The following ARHGAP42 variants were observed in gnomAD, a reference collection of about 807,000 sequenced individuals.
ARHGAP42 encodes Rho GTPase activating protein 42.
A neutral mutation model predicts 125.0 loss-of-function variants in ARHGAP42; 63 were observed. That is an observed-to-expected ratio of 0.50 (90% confidence interval 0.41 to 0.62). ARHGAP42 has a LOEUF of 0.62. Ranked by LOEUF, ARHGAP42 falls within the 20% of genes least tolerant of loss-of-function variation. The probability of loss-of-function intolerance (pLI) is 0.00; values close to 1 mark genes in which losing one functional copy is unlikely to be tolerated. For missense variants in ARHGAP42, 766 were observed against 1,024.2 expected, an observed-to-expected ratio of 0.75 and a Z score of 3.44; for synonymous variants, 339 against 351.0, an observed-to-expected ratio of 0.97 and a Z score of 0.38.
chr11:100,852,256 A>C (rs633021), intron 3 of ARHGAP42, among the ~76,000 whole-genome samples: 23,047 of 152,118 alleles, frequency 0.15, 2,453 homozygotes, highest in African/African-American at 0.29. Flanking sequence ...GCAATCTGCT[A>C]TTATCTAAAT....
intron 4 of ARHGAP42, among the ~76,000 whole-genome samples, chr11:100,895,358 T>A (rs986672889): frequency 8.5e-5 from 13 of 152,142 alleles, no homozygotes; most frequent in Non-Finnish European, 1.6e-4. Flanking sequence ...AAAATCATTG[T>A]CTCTGTCTGT....
intron 3 of ARHGAP42, among the ~76,000 whole-genome samples, chr11:100,828,848 C>T (rs1864594537): frequency 6.6e-6 from 1 of 151,952 alleles, no homozygotes; most frequent in South Asian, 2.1e-4. Flanking sequence ...CCACCATGCT[C>T]GGCCTACCTT....
At chr11:100,813,891 G>A (rs776553893) in intron 3 of ARHGAP42, among the ~76,000 whole-genome samples, 1 of 152,114 alleles carries the variant, frequency 6.6e-6, no homozygotes, top group African/African-American at 2.4e-5. Context: ...TGATAGGTAG[G>A]AGGAATGAAA....
chr11:100,811,010 C>T (rs934809882), intron 3 of ARHGAP42, among the ~76,000 whole-genome samples: 2 of 152,098 alleles, frequency 1.3e-5, no homozygotes, highest in African/African-American at 4.8e-5. Flanking sequence ...GGCTGGAGTG[C>T]AGTGGTGCAA....
intron 7 of ARHGAP42, among the ~76,000 whole-genome samples, chr11:100,934,770 C>A (rs1017121959): frequency 6.6e-6 from 1 of 152,094 alleles, no homozygotes; most frequent in Admixed American, 6.5e-5. Flanking sequence ...GTGGAAATGT[C>A]CAGTAAATAA....
rs551348302 is a variant in ARHGAP42, at chr11:100,761,553, C to T, written c.155-8790C>T. Reference sequence around the variant, plus strand: ...ATGGAATTTGTAGGTTTATAGAATCCGGATAAAATCTGGCCAAGTGTTGGT... The same window carrying T: ...ATGGAATTTGTAGGTTTATAGAATCTGGATAAAATCTGGCCAAGTGTTGGT... On this transcript the variant is annotated intron_variant, in intron 1 of 23. Coordinates refer to ENST00000298815, the MANE Select transcript of ARHGAP42 (RefSeq NM_152432.4). Among the ~76,000 whole-genome samples, 4 of 152,100 alleles carry T rather than the reference C, an allele frequency of 2.6e-5. No individual in the cohort carries two copies. The South Asian group carries it at 6.2e-4, about 24-fold the overall frequency.
chr11:100,989,215 A>T lies in ARHGAP42; in HGVS notation c.*414A>T, dbSNP rs1197945025. ...AGGATCTCTGAAATTGTTACTTAAA[A>T]ATGTAATTTAAATTGTTCATTTATT... On this transcript the variant is annotated 3_prime_UTR_variant, in exon 24 of 24. Coordinates refer to ENST00000298815, the MANE Select transcript of ARHGAP42 (RefSeq NM_152432.4). The T allele has an allele frequency of 1.0e-5, 4 of 398,040 alleles. No homozygotes were observed. Among genetic ancestry groups the T allele is most frequent in the Admixed American group, 4.4e-5 (1 of 22,738 alleles). The allele number at this position is 398,040 out of a possible 1,614,324, so 24.7% of individuals were successfully genotyped here.
At chr11:100,744,878 A>G (rs1862265476) in intron 1 of ARHGAP42, among the ~76,000 whole-genome samples, 1 of 152,180 alleles carries the variant, frequency 6.6e-6, no homozygotes, top group South Asian at 2.1e-4. Context: ...ATGCGCCCTT[A>G]CAGATGGAGC....
intron 1 of ARHGAP42, among the ~76,000 whole-genome samples, chr11:100,743,275 T>C (rs1008990054): frequency 7.9e-5 from 12 of 152,194 alleles, no homozygotes; most frequent in African/African-American, 2.9e-4. Context: ...TGACAAATTC[T>C]CCCCACATTT....
At position 100,949,954 on chromosome 11, in the gene ARHGAP42, AAAGT is replaced by A. The variant is rs1319578234; in HGVS notation, c.1162+3_1162+6del. On this transcript the variant is annotated splice_donor_variant and coding_sequence_variant, in exon 12 of 24. Coordinates refer to ENST00000298815, the MANE Select transcript of ARHGAP42 (RefSeq NM_152432.4). LOFTEE classifies it high-confidence loss of function. ...CCTGCCATTATAAGCAAGAAAGAAG[AAAGT>A]AAGTCATTTTAATAGTTATTTAAAA... The A allele has an allele frequency of 1.4e-6, 2 of 1,449,928 alleles. No homozygotes were observed. The highest frequency in any genetic ancestry group is 1.9e-6 in the Non-Finnish European group (2 of 1,064,290). 89.8% of individuals were successfully genotyped at this position (1,449,928 alleles called of 1,614,324 possible).
chr11:100,698,094 CT>C (rs1346372638), intron 1 of ARHGAP42, among the ~76,000 whole-genome samples: 6 of 152,122 alleles, frequency 3.9e-5, no homozygotes, highest in Non-Finnish European at 7.4e-5. Context: ...TCTTGCTATG[CT>C]TCCTTGGCTT....
At chr11:100,849,434 G>A (rs1434761889) in intron 3 of ARHGAP42, among the ~76,000 whole-genome samples, 1 of 152,174 alleles carries the variant, frequency 6.6e-6, no homozygotes, top group Non-Finnish European at 1.5e-5. Context: ...AAGAGCCTGT[G>A]CTCAAACGCC....
At chr11:100,783,531 T>C (rs1863363886) in intron 2 of ARHGAP42, among the ~76,000 whole-genome samples, 1 of 152,214 alleles carries the variant, frequency 6.6e-6, no homozygotes, top group Admixed American at 6.5e-5. Context: ...ATTCCTGCAG[T>C]GTGCCTTTTG....
intron 5 of ARHGAP42, among the ~76,000 whole-genome samples, chr11:100,918,574 G>A (rs1279522435): frequency 6.6e-6 from 1 of 152,122 alleles, no homozygotes; most frequent in Non-Finnish European, 1.5e-5. Context: ...AAAATATATA[G>A]TACCAGTTGC....
intron 1 of ARHGAP42, among the ~76,000 whole-genome samples, chr11:100,690,892 G>A (rs781115929): frequency 4.6e-5 from 7 of 152,056 alleles, no homozygotes; most frequent in East Asian, 1.9e-4. Flanking sequence ...GAGCCACCGC[G>A]CCCGGCCAAC....
At chr11:100,897,223 T>C (rs567188931) in intron 4 of ARHGAP42, among the ~76,000 whole-genome samples, 4 of 152,360 alleles carry the variant, frequency 2.6e-5, no homozygotes, top group African/African-American at 9.6e-5. Flanking sequence ...ACCAGTACCA[T>C]GCTATTTTGG....
At chr11:100,933,794 C>CT (rs35724249) in intron 7 of ARHGAP42, among the ~76,000 whole-genome samples, 35,568 of 148,520 alleles carry the variant, frequency 0.24, 4,804 homozygotes, top group Middle Eastern at 0.38. Flanking sequence ...TTAGAGAAGT[C>CT]TTTTTTTTTT....
chr11:100,940,848 T>C (rs1356150283), intron 8 of ARHGAP42, among the ~76,000 whole-genome samples: 1 of 152,070 alleles, frequency 6.6e-6, no homozygotes, highest in Non-Finnish European at 1.5e-5. Context: ...GAACTCATAT[T>C]CTAGTCAGTT....
At chr11:100,848,178 T>C (rs755634940) in intron 3 of ARHGAP42, among the ~76,000 whole-genome samples, 8 of 152,200 alleles carry the variant, frequency 5.3e-5, no homozygotes, top group Non-Finnish European at 1.2e-4. Flanking sequence ...AAAGCTATTT[T>C]AATTTTGATG....
Sources: gnomAD v4.1 joint callset for allele counts (sites outside exome capture counted in the v4.1 genomes callset) on GRCh38, gnomAD v4.1.1 for gene constraint, MANE v1.5 for transcripts, NCBI Gene and HGNC (gene_info 2026-07-23, HGNC 2026-07-21) for gene names.